Variants in THSD7B observed in about 807,000 individuals in gnomAD.
The protein encoded by THSD7B is thrombospondin type 1 domain containing 7B, also known as thrombospondin type-1 domain-containing protein 7B.
In THSD7B, 138 loss-of-function variants were observed where a neutral mutation model predicts 213.6. That is an observed-to-expected ratio of 0.65 (90% confidence interval 0.56 to 0.74). The LOEUF (loss-of-function observed/expected upper bound fraction) is 0.74, where lower values mean the gene tolerates loss of function less well. Among genes scored for constraint, THSD7B ranks in the 30% least tolerant of loss-of-function variants. The probability of loss-of-function intolerance (pLI) is 0.00; values close to 1 mark genes in which losing one functional copy is unlikely to be tolerated. For synonymous variants in THSD7B, 742 were observed against 687.0 expected, an observed-to-expected ratio of 1.08 and a Z score of -1.25; for missense variants, 1,931 against 1,991.5, an observed-to-expected ratio of 0.97 and a Z score of 0.58.
intron 19 of THSD7B, 60 bp from the exon 20 acceptor site, chr2:137,620,549 A>G: frequency 7.6e-7 from 1 of 1,308,982 alleles, no homozygotes; most frequent in Non-Finnish European, 1.1e-6. Flanking sequence ...CCATGAAAGG[A>G]CAGTGATTTG....
chr2:137,521,884 AGTAACCTCTCAG>A (rs1558825937), intron 15 of THSD7B, among the ~76,000 whole-genome samples: 42 of 30,246 alleles, frequency 1.4e-3, no homozygotes, highest in East Asian at 0.01. Flanking sequence ...TCAGCTGTTG[AGTAACCTCTCAG>A]CTGTTGAGTA....
At chr2:137,628,880 C>T (rs1448960941) in intron 20 of THSD7B, among the ~76,000 whole-genome samples, 2 of 152,146 alleles carry the variant, frequency 1.3e-5, no homozygotes, top group African/African-American at 4.8e-5. Flanking sequence ...ACATTTCAAT[C>T]ACACCCTTGA....
At chr2:137,030,456 G>A (rs1177118384) in intron 2 of THSD7B, among the ~76,000 whole-genome samples, 3 of 152,116 alleles carry the variant, frequency 2.0e-5, no homozygotes, top group African/African-American at 7.2e-5. Context: ...ATATGAGCTT[G>A]AATTTCAGAA....
At chr2:137,338,866 A>G (rs1341205002) in intron 12 of THSD7B, among the ~76,000 whole-genome samples, 1 of 152,020 alleles carries the variant, frequency 6.6e-6, no homozygotes, top group Non-Finnish European at 1.5e-5. Flanking sequence ...AAATGTGACA[A>G]AGTTCGTGGC....
intron 17 of THSD7B, among the ~76,000 whole-genome samples, chr2:137,577,849 G>A (rs1681495483): frequency 6.6e-6 from 1 of 152,068 alleles, no homozygotes; most frequent in Non-Finnish European, 1.5e-5. Context: ...TTAAAAACGT[G>A]ACTCATACAA....
At chr2:137,034,848 G>T (rs78555606) in intron 2 of THSD7B, among the ~76,000 whole-genome samples, 1 of 152,136 alleles carries the variant, frequency 6.6e-6, no homozygotes, top group Non-Finnish European at 1.5e-5. Context: ...ATTGATGGGC[G>T]TTTGGGTTGG....
At chr2:136,959,845 A>G (rs1685187296) in intron 2 of THSD7B, among the ~76,000 whole-genome samples, 1 of 152,252 alleles carries the variant, frequency 6.6e-6, no homozygotes, top group South Asian at 2.1e-4. Context: ...AACTGTCAAG[A>G]AAAACTCTGG....
chr2:136,993,719 G>A (rs1200853320), intron 2 of THSD7B, among the ~76,000 whole-genome samples: 1 of 152,152 alleles, frequency 6.6e-6, no homozygotes, highest in Non-Finnish European at 1.5e-5. Flanking sequence ...TAACAACAAA[G>A]ACACATTTGC....
At chr2:137,273,533 C>G (rs2104808339) in intron 11 of THSD7B, among the ~76,000 whole-genome samples, 1 of 152,120 alleles carries the variant, frequency 6.6e-6, no homozygotes, top group Non-Finnish European at 1.5e-5. Context: ...ATGCCTTTAG[C>G]AAAAATGTCC....
At chr2:137,607,778 A>G (rs1469241601) in intron 17 of THSD7B, among the ~76,000 whole-genome samples, 1 of 152,216 alleles carries the variant, frequency 6.6e-6, no homozygotes, top group Non-Finnish European at 1.5e-5. Flanking sequence ...TGGATATGCC[A>G]TACATCATTT....
chr2:137,576,996 A>C (rs969782706), intron 17 of THSD7B, among the ~76,000 whole-genome samples: 1 of 152,232 alleles, frequency 6.6e-6, no homozygotes, highest in South Asian at 2.1e-4. Flanking sequence ...AACAGTCTTT[A>C]TCACGCAGAT....
chr2:137,484,113 G>A (rs2105109950), intron 15 of THSD7B, among the ~76,000 whole-genome samples: 1 of 151,536 alleles, frequency 6.6e-6, no homozygotes, highest in Non-Finnish European at 1.5e-5. Context: ...CTGGTGTGCT[G>A]CACCCATTAC....
intron 14 of THSD7B, among the ~76,000 whole-genome samples, chr2:137,444,295 G>GGATT (rs1462114086): frequency 6.6e-6 from 1 of 151,936 alleles, no homozygotes; most frequent in Non-Finnish European, 1.5e-5. Context: ...ACATGCTGAT[G>GGATT]GATTGAGATT....
chr2:137,316,580 A>G (rs1219444891), intron 12 of THSD7B, among the ~76,000 whole-genome samples: 1 of 152,022 alleles, frequency 6.6e-6, no homozygotes, highest in Non-Finnish European at 1.5e-5. Flanking sequence ...TCGAGACCAC[A>G]GTGAAACCCT....
chr2:137,171,074 C>T (rs1245324581), intron 7 of THSD7B, 136 bp downstream of exon 7: 3 of 988,754 alleles, frequency 3.0e-6, no homozygotes, highest in Non-Finnish European at 3.0e-6. Flanking sequence ...ATGTTTACAT[C>T]GAGTGACACA....
intron 15 of THSD7B, among the ~76,000 whole-genome samples, chr2:137,558,135 C>A (rs1455043808): frequency 6.6e-6 from 1 of 152,094 alleles, no homozygotes; most frequent in African/African-American, 2.4e-5. Context: ...ACCAGAGGTA[C>A]AAGGAGGAGC....
intron 10 of THSD7B, among the ~76,000 whole-genome samples, chr2:137,267,238 A>G (rs149273054): frequency 3.3e-4 from 51 of 152,354 alleles, no homozygotes; most frequent in Admixed American, 9.8e-4. Flanking sequence ...TAAAATATGC[A>G]TAAATCAAAA....
intron 2 of THSD7B, among the ~76,000 whole-genome samples, chr2:136,987,929 G>A (rs1164903268): frequency 2.0e-5 from 3 of 152,128 alleles, no homozygotes; most frequent in African/African-American, 7.2e-5. Context: ...TATTTTTATA[G>A]AAAATTTCCC....
chr2:136,867,928 TTTTA>T (rs1222278396), intron 1 of THSD7B, among the ~76,000 whole-genome samples: 2 of 152,184 alleles, frequency 1.3e-5, no homozygotes, highest in Admixed American at 1.3e-4. Flanking sequence ...AAGAGTGGCT[TTTTA>T]TTTAGTATTA....
Sources: allele counts gnomAD v4.1 joint callset (sites outside exome capture counted in the v4.1 genomes callset), GRCh38; gene constraint gnomAD v4.1.1; transcripts MANE v1.5; gene names NCBI Gene and HGNC (gene_info 2026-07-23, HGNC 2026-07-21).